Variants in MYO7B observed in about 807,000 individuals in gnomAD.
The protein encoded by MYO7B is unconventional myosin-VIIb.
A neutral mutation model predicts 259.7 loss-of-function variants in MYO7B; 212 were observed. The observed-to-expected ratio is 0.82, with a 90% CI of 0.73 to 0.91. MYO7B has a LOEUF of 0.91. Among genes scored for constraint, MYO7B ranks in the 40% least tolerant of loss-of-function variants. MYO7B has a pLI of 0.00. For synonymous variants in MYO7B, 1,197 were observed against 1,166.4 expected (o/e 1.03, Z -0.54); for missense variants, 2,732 against 2,813.5 (o/e 0.97, Z 0.66).
chr2:127,605,254 C>A (rs1680119625), intron 19 of MYO7B, among the ~76,000 whole-genome samples: 1 of 152,146 alleles, frequency 6.6e-6, no homozygotes, highest in African/African-American at 2.4e-5. Flanking sequence ...CCTTTTGTAG[C>A]TCTTTGGGGG....
At chr2:127,566,888 T>G (rs1025410376) in intron 5 of MYO7B, 61 bp downstream of exon 5, 3 of 1,537,150 alleles carry the variant, frequency 2.0e-6, no homozygotes, top group Non-Finnish European at 8.8e-7. Context: ...CCCACCAGCA[T>G]GCCTGCAAGA....
intron 16 of MYO7B, 55 bp from the exon 17 acceptor site, chr2:127,592,739 G>T: frequency 2.5e-6 from 4 of 1,570,220 alleles, no homozygotes; most frequent in Non-Finnish European, 3.5e-6. Flanking sequence ...GCCGGGAAGG[G>T]GGGTGGCTGG....
Position 127,626,951 on chromosome 2 carries a change from G to T in MYO7B, c.4216-24G>T, listed in dbSNP as rs1226265593. The T allele has an allele frequency of 2.5e-6, 4 of 1,590,330 alleles. No homozygotes were observed. In the African/African-American group the frequency reaches 4.0e-5, roughly 16 times the overall value. ...TCACTAGGGAAGGCAGGTGACGGAG[G>T]TGACATCCAGGATCCCCCCTCAGGC... is the stretch of plus-strand genomic sequence containing the variant. On this transcript the variant is annotated intron_variant, in intron 31 of 47. Transcript: ENST00000409816.
At chr2:127,633,064 C>T (rs1681606693) in intron 39 of MYO7B, among the ~76,000 whole-genome samples, 194 bp from the exon 40 acceptor site, 1 of 152,248 alleles carries the variant, frequency 6.6e-6, no homozygotes, top group Non-Finnish European at 1.5e-5. Flanking sequence ...GGCACAGCTG[C>T]ACCATCACTA....
intron 21 of MYO7B, 36 bp from the exon 22 acceptor site, chr2:127,608,672 G>A: frequency 6.3e-7 from 1 of 1,589,604 alleles, no homozygotes; most frequent in Non-Finnish European, 8.6e-7. Context: ...GAGCCCTGCT[G>A]GGCCCCTGGG....
Position 127,576,557 on chromosome 2 carries a change from C to G in MYO7B, c.736-38C>G. The G allele has an allele frequency of 7.2e-7, 1 of 1,383,970 alleles. No homozygotes were observed. Among genetic ancestry groups the G allele is most frequent in the Non-Finnish European group, 1.0e-6 (1 of 994,274 alleles). The allele number at this position is 1,383,970 out of a possible 1,614,324, so 85.7% of individuals were successfully genotyped here. ...AGGCCCTGAGGCCTCAGGGGAATGG[C>G]TCATGAATCTGTCTGGAATGCCCTC... On this transcript the variant is annotated intron_variant, in intron 7 of 47. Coordinates refer to ENST00000409816, the MANE Select transcript of MYO7B (RefSeq NM_001393586.1). The surrounding 1 kb of genome is among the most constrained non-coding windows in gnomAD (Gnocchi z 4.9).
Position 127,636,539 on chromosome 2 carries a change from T to TCCCAGCAAACCTCGGAGCCTTCCTACCC in MYO7B, c.6124-5_6146dup. 1 of 1,608,678 alleles carries TCCCAGCAAACCTCGGAGCCTTCCTACCC rather than the reference T, an allele frequency of 6.2e-7. No homozygotes were observed. The highest frequency in any genetic ancestry group is 8.5e-7 in the Non-Finnish European group (1 of 1,177,656). On this transcript the variant is annotated splice_region_variant and splice_polypyrimidine_tract_variant and intron_variant, in intron 45 of 47. Transcript: ENST00000409816. This position sits in a 1 kb window ranked among gnomAD's most constrained non-coding sequence, Gnocchi z 4.5. ...GGACTATGACCGCCGTGTCCCTCCC[T>TCCCAGCAAACCTCGGAGCCTTCCTACCC]CCCAGCAAACCTCGGAGCCTTCCTA...
chr2:127,611,203 T>G lies in MYO7B; in HGVS notation c.3193-1047T>G, dbSNP rs562654880. 3.2e-3 allele frequency among the ~76,000 whole-genome samples: 483 copies of G among 152,348 alleles called. 4 individuals carry two copies. The highest frequency in any genetic ancestry group is 0.011 in the African/African-American group (444 of 41,580). Reference sequence around the variant, plus strand: ...GCCTGGGCATCCTCACAACATGGCTTCCCTCAACATGAGTGATCCAAGAAG... The same window carrying G: ...GCCTGGGCATCCTCACAACATGGCTGCCCTCAACATGAGTGATCCAAGAAG... On this transcript the variant is annotated intron_variant, in intron 24 of 47. Transcript: ENST00000409816. This position sits in a 1 kb window ranked among gnomAD's most constrained non-coding sequence, Gnocchi z 5.4.
In MYO7B at chr2:127,559,795, A is replaced by C; in HGVS notation, c.18+55A>C. 1 of 1,593,068 alleles carries C rather than the reference A, an allele frequency of 6.3e-7. No homozygotes were observed. The highest frequency in any genetic ancestry group is 1.1e-5 in the South Asian group (1 of 90,702). The stretch of plus-strand genomic sequence containing the variant: ...TATTGGTGTAAGTTACTCAAGGCCA[A>C]GTTGAATCGCTCCCAAGGAAAGAGA... On this transcript the variant is annotated intron_variant, in intron 2 of 47. Transcript: ENST00000409816. The surrounding 1 kb of genome is among the most constrained non-coding windows in gnomAD (Gnocchi z 4.1).
At chr2:127,571,318 T>A (rs1219864332) in intron 6 of MYO7B, among the ~76,000 whole-genome samples, 1 of 152,152 alleles carries the variant, frequency 6.6e-6, no homozygotes, top group Non-Finnish European at 1.5e-5. Context: ...CCCTGACGAC[T>A]AAGGATGTTA....
In MYO7B at chr2:127,609,569, G is replaced by T. The variant is rs200386846; in HGVS notation, c.2878G>T (p.Glu960Ter). ...VDLDTVPMAE[E>*]PEEDVDGLAE... ...CCTGGACACAGTCCCCATGGCGGAG[G>T]AGCCTGAGGAGGATGTGGATGGCCT... The change falls in exon 23 of 48, where the codon GAG (glutamate) becomes TAG (stop). Residue 960 changes from glutamate to a stop codon, truncating the protein, a stop_gained. Transcript: ENST00000409816. LOFTEE classifies it high-confidence loss of function. This position sits in a 1 kb window ranked among gnomAD's most constrained non-coding sequence, Gnocchi z 6.9. 14 of 1,613,966 alleles carry T rather than the reference G, an allele frequency of 8.7e-6. No homozygotes were observed. Among genetic ancestry groups the T allele is most frequent in the Non-Finnish European group, 1.0e-5 (12 of 1,179,866 alleles).
chr2:127,612,488 C>A lies in MYO7B; in HGVS notation c.3283C>A (p.Leu1095Met). 1 of 1,554,958 alleles carries A rather than the reference C, an allele frequency of 6.4e-7. No individual in the cohort carries two copies. The highest frequency in any genetic ancestry group is 8.7e-7 in the Non-Finnish European group (1 of 1,148,936). ...SRITGQVASQ[L>M]NIGEEALEPD... Reference sequence around the variant, plus strand: ...TTTGGGTTTCAAGGTGGCCAGCCAGCTGAACATTGGAGAGGAGGCATTGGA... The same window carrying A: ...TTTGGGTTTCAAGGTGGCCAGCCAGATGAACATTGGAGAGGAGGCATTGGA... Residue 1095 changes from leucine to methionine, a missense_variant, in exon 26 of 48, where the codon CTG (leucine) becomes ATG (methionine). By Grantham distance (15) the Leu-to-Met change is conservative. Around this residue, in one of 3 missense-constraint regions of MYO7B, gnomAD observed 1,906 missense variants for 2,026.4 expected, o/e 0.94. Coordinates refer to ENST00000409816, the MANE Select transcript of MYO7B (RefSeq NM_001393586.1).
At position 127,624,152 on chromosome 2, in the gene MYO7B, G is replaced by A. The variant is rs1006585622; in HGVS notation, c.3879G>A (p.Gln1293=). 6.3e-6 allele frequency: 10 copies of A among 1,595,492 alleles called. No homozygotes were observed. The African/African-American group carries it at 1.3e-4, about 21-fold the overall frequency. Reference sequence around the variant, plus strand: ...TGGATGCCATCGCCCGGTGTGAGCAGATGGCCCAGGAGAGGGGCGAGAGCC... The same window carrying A: ...TGGATGCCATCGCCCGGTGTGAGCAAATGGCCCAGGAGAGGGGCGAGAGCC... ...HMMDAIARCE[Q]MAQERGESQR... is the part of the protein sequence containing the mutation. Residue 1293 remains glutamine (Q), a synonymous_variant, in exon 30 of 48, where the codon CAG becomes CAA. Transcript: ENST00000409816.
At chr2:127,578,603 TGAGCAA>T (rs1240628762) in intron 9 of MYO7B, among the ~76,000 whole-genome samples, 1 of 152,138 alleles carries the variant, frequency 6.6e-6, no homozygotes, top group Admixed American at 6.5e-5. Flanking sequence ...AACCAGGTTG[TGAGCAA>T]GGGGTGGTCT....
chr2:127,605,218 A>T (rs1377598747), intron 19 of MYO7B, among the ~76,000 whole-genome samples: 8 of 152,190 alleles, frequency 5.3e-5, no homozygotes, highest in Admixed American at 5.2e-4. Context: ...GGCCGTCTGC[A>T]ATAAAAATGC....
intron 3 of MYO7B, 118 bp downstream of exon 3, chr2:127,564,384 C>T (rs1678242262): frequency 1.4e-6 from 1 of 731,678 alleles, no homozygotes; most frequent in Non-Finnish European, 2.2e-6. Context: ...CAAGTGGGGA[C>T]CTGGGTGGCA....
chr2:127,557,568 T>A (rs1677883049), intron 1 of MYO7B, among the ~76,000 whole-genome samples: 1 of 152,186 alleles, frequency 6.6e-6, no homozygotes, highest in Non-Finnish European at 1.5e-5. Flanking sequence ...AAGGCTGCCA[T>A]TCAGATTCTT....
intron 5 of MYO7B, among the ~76,000 whole-genome samples, chr2:127,567,408 A>G (rs1233988911): frequency 6.6e-6 from 1 of 152,018 alleles, no homozygotes; most frequent in Non-Finnish European, 1.5e-5. Flanking sequence ...ACCAGAAGGA[A>G]AGTGTCCCCT....
intron 10 of MYO7B, 119 bp downstream of exon 10, chr2:127,580,941 C>A: frequency 9.5e-7 from 1 of 1,050,530 alleles, no homozygotes; most frequent in Non-Finnish European, 1.4e-6. Flanking sequence ...TTCCCAGGGC[C>A]TATGCTCAAA....
Sources: allele counts gnomAD v4.1 joint callset (sites outside exome capture counted in the v4.1 genomes callset), GRCh38; gene constraint gnomAD v4.1.1; regional missense constraint gnomAD v4.1.1; non-coding constraint Gnocchi (gnomAD v3.1); transcripts MANE v1.5; gene names NCBI Gene and HGNC (gene_info 2026-07-23, HGNC 2026-07-21).